CLCN4: variants seen among roughly 807,000 people sequenced by gnomAD.
CLCN4 encodes H(+)/Cl(-) exchange transporter 4.
A neutral mutation model predicts 41.7 loss-of-function variants in CLCN4; 1 was observed. The observed-to-expected ratio is 0.02, with a 90% confidence interval of 0.01 to 0.11. CLCN4 has a LOEUF of 0.11. Ranked by LOEUF, CLCN4 falls within the 10% of genes least tolerant of loss-of-function variation. CLCN4 has a pLI of 1.00. For synonymous variants in CLCN4, 277 were observed against 285.8 expected, an observed-to-expected ratio of 0.97 and a Z score of 0.31; for missense variants, 287 against 661.0, an observed-to-expected ratio of 0.43 and a Z score of 6.20.
At chrX:10,173,412 C>G (rs761062143) in intron 2 of CLCN4, among the ~76,000 whole-genome samples, 9 of 111,139 alleles carry the variant, frequency 8.1e-5, no homozygotes, top group Non-Finnish European at 1.5e-4. Context: ...TTTAATGACT[C>G]TGGGCGGGGC....
intron 3 of CLCN4, among the ~76,000 whole-genome samples, chrX:10,186,605 C>T (rs1028990926): frequency 9.0e-6 from 1 of 111,018 alleles, no homozygotes; most frequent in South Asian, 3.8e-4. Context: ...CATCGCCTCA[C>T]GAGGGCTGGC....
At chrX:10,231,142 A>G (rs1216346939) in intron 12 of CLCN4, among the ~76,000 whole-genome samples, 1 of 112,204 alleles carries the variant, frequency 8.9e-6, no homozygotes, top group African/African-American at 3.2e-5. Flanking sequence ...TTCACTCAGC[A>G]ATACACATTT....
intron 4 of CLCN4, among the ~76,000 whole-genome samples, 200 bp downstream of exon 4, chrX:10,187,814 G>A (rs1417539456): frequency 1.8e-5 from 2 of 112,916 alleles, no homozygotes; most frequent in Non-Finnish European, 3.7e-5. Context: ...AATAAGGCAT[G>A]CCCAAGGCAT....
At chrX:10,179,660 G>A (rs1225782709) in intron 2 of CLCN4, among the ~76,000 whole-genome samples, 1 of 111,410 alleles carries the variant, frequency 9.0e-6, no homozygotes, top group Non-Finnish European at 1.9e-5. Context: ...AGAGGAGTGA[G>A]CAGATCAACC....
intron 6 of CLCN4, 107 bp downstream of exon 6, chrX:10,198,168 T>A: frequency 1.3e-6 from 1 of 753,881 alleles, no homozygotes. Context: ...ACTAACTCAT[T>A]AAGTTTCTCA....
chrX:10,162,975 C>T (rs1336998734), intron 2 of CLCN4, among the ~76,000 whole-genome samples: 2 of 112,902 alleles, frequency 1.8e-5, no homozygotes, highest in South Asian at 3.6e-4. Context: ...GGATGATGTT[C>T]TGTGTAATTG....
intron 2 of CLCN4, among the ~76,000 whole-genome samples, chrX:10,177,554 G>A (rs1450483374): frequency 8.9e-6 from 1 of 112,197 alleles, no homozygotes; most frequent in African/African-American, 3.3e-5. Context: ...TTGAAGTGGT[G>A]TCTAGGGGCT....
intron 9 of CLCN4, among the ~76,000 whole-genome samples, chrX:10,211,265 CAAAAAAAAAAA>C (rs71774120): frequency 4.1e-5 from 2 of 48,808 alleles, no homozygotes; most frequent in Non-Finnish European, 6.6e-5. Flanking sequence ...GATTCCGTCT[CAAAAAAAAAAA>C]AAAAAAAAAA....
chrX:10,167,131 C>G (rs1923270162), intron 2 of CLCN4, among the ~76,000 whole-genome samples: 1 of 112,337 alleles, frequency 8.9e-6, no homozygotes, highest in Non-Finnish European at 1.9e-5. Context: ...GGCACAGTTT[C>G]TTTCTGAACA....
At chrX:10,210,650 C>CTTTT (rs34763016) in intron 9 of CLCN4, among the ~76,000 whole-genome samples, 9 of 75,046 alleles carry the variant, frequency 1.2e-4, no homozygotes, top group East Asian at 4.4e-4. Context: ...CCTGAATTGT[C>CTTTT]TTTTTTTTTT....
chrX:10,163,786 C>T (rs1024039758), intron 2 of CLCN4, among the ~76,000 whole-genome samples: 1 of 112,224 alleles, frequency 8.9e-6, no homozygotes, highest in African/African-American at 3.2e-5. Context: ...ACACTGTGGA[C>T]GTTAGGGTCC....
At chrX:10,161,920 G>A (rs918634840) in intron 2 of CLCN4, among the ~76,000 whole-genome samples, 5 of 110,415 alleles carry the variant, frequency 4.5e-5, no homozygotes, top group Non-Finnish European at 9.5e-5. Context: ...GAGGACCCGA[G>A]GTCCATTCCA....
chrX:10,211,472 G>A (rs1924552197), intron 9 of CLCN4, among the ~76,000 whole-genome samples: 1 of 110,998 alleles, frequency 9.0e-6, no homozygotes, highest in Admixed American at 9.6e-5. Context: ...ATTTTATGAT[G>A]CTTGCTGAGA....
chrX:10,222,781 G>T (rs919607378), intron 12 of CLCN4, among the ~76,000 whole-genome samples: 6 of 111,865 alleles, frequency 5.4e-5, no homozygotes, highest in Admixed American at 2.8e-4. Context: ...AAGCACACAG[G>T]GGGACAGGCT....
chrX:10,203,613 A>T (rs768981598), intron 6 of CLCN4, among the ~76,000 whole-genome samples: 2 of 111,812 alleles, frequency 1.8e-5, no homozygotes, highest in South Asian at 7.6e-4. Flanking sequence ...GTATTGAGAA[A>T]TAAGGAATCT....
In CLCN4 at chrX:10,158,286, A is replaced by G. The variant is rs1431609836; in HGVS notation, c.-274-3A>G. Reference sequence around the variant, plus strand: ...TGTTGTTTTTCATAATTCTTCGCGAAAGGCCAGGCAAGCTGCACACATCAA... The same window carrying G: ...TGTTGTTTTTCATAATTCTTCGCGAGAGGCCAGGCAAGCTGCACACATCAA... On this transcript the variant is annotated splice_region_variant and splice_polypyrimidine_tract_variant and intron_variant, in intron 1 of 12. Coordinates refer to ENST00000380833, the MANE Select transcript of CLCN4 (RefSeq NM_001830.4). 7 of 291,364 alleles carry G rather than the reference A, an allele frequency of 2.4e-5. No individual in the cohort carries two copies. Among genetic ancestry groups the G allele is most frequent in the Non-Finnish European group, 3.6e-5 (6 of 166,442 alleles). The allele number at this position is 291,364 out of a possible 1,213,427, so 24.0% of individuals were successfully genotyped here. A position where few individuals can be genotyped will look rare whatever the true frequency, so the allele number is the denominator to read the frequency against.
At chrX:10,195,150 C>T in intron 5 of CLCN4, 52 bp downstream of exon 5, 1 of 1,073,516 alleles carries the variant, frequency 9.3e-7, no homozygotes, top group Non-Finnish European at 1.3e-6. Context: ...TCCATGCGTG[C>T]TTGGGAATGC....
intron 11 of CLCN4, among the ~76,000 whole-genome samples, chrX:10,216,918 T>TATATATATATATACACACACACACAC (rs773265490): frequency 1.8e-4 from 7 of 38,929 alleles, no homozygotes; most frequent in Non-Finnish European, 2.5e-4. Context: ...TATATATATA[T>TATATATATATATACACACACACACAC]ACACACACAC....
intron 11 of CLCN4, among the ~76,000 whole-genome samples, chrX:10,218,126 A>G (rs1334296449): frequency 8.9e-6 from 1 of 111,940 alleles, no homozygotes; most frequent in Non-Finnish European, 1.9e-5. Context: ...CATTAAAGAC[A>G]GTTTTAAAAA....
Sources: allele counts gnomAD v4.1 joint callset (sites outside exome capture counted in the v4.1 genomes callset), GRCh38; gene constraint gnomAD v4.1.1; transcripts MANE v1.5; gene names NCBI Gene and HGNC (gene_info 2026-07-23, HGNC 2026-07-21).